Variants in HADHB observed in about 807,000 individuals in gnomAD.
HADHB encodes the protein trifunctional enzyme subunit beta, mitochondrial.
A neutral mutation model predicts 61.9 loss-of-function variants in HADHB; 50 were observed. The ratio of observed to expected loss-of-function variants is 0.81; its 90% CI spans 0.64 to 1.02. The LOEUF is 1.02. Among genes scored for constraint, HADHB ranks in the 50% least tolerant of loss-of-function variants. HADHB has a pLI of 0.00. For synonymous variants in HADHB, 191 were observed against 201.6 expected (o/e 0.95, Z 0.45); for missense variants, 504 against 586.5 (o/e 0.86, Z 1.45).
chr2:26,282,329 A>G (rs925772979), intron 10 of HADHB, among the ~76,000 whole-genome samples: 2 of 142,684 alleles, frequency 1.4e-5, no homozygotes, highest in Non-Finnish European at 3.0e-5. Context: ...ATCTCAGCTC[A>G]CTGCAACCTC....
chr2:26,255,033 G>T (rs1486700778), intron 3 of HADHB: 3 of 156,184 alleles, frequency 1.9e-5, no homozygotes, highest in South Asian at 1.9e-4. Context: ...AATGAATTAG[G>T]CTTCTTTACT....
chr2:26,271,626 T>G (rs1672352279), intron 5 of HADHB, among the ~76,000 whole-genome samples: 2 of 152,184 alleles, frequency 1.3e-5, no homozygotes, highest in Non-Finnish European at 2.9e-5. Context: ...TATGCATATT[T>G]TCCTTTAAAA....
chr2:26,285,065 A>C, intron 14 of HADHB, 108 bp downstream of exon 14: 1 of 728,370 alleles, frequency 1.4e-6, no homozygotes, highest in East Asian at 2.5e-5. Flanking sequence ...TTTCTTTTGA[A>C]GAATTTTGTC....
intron 3 of HADHB, among the ~76,000 whole-genome samples, chr2:26,262,495 G>A (rs1671905904): frequency 6.6e-6 from 1 of 152,068 alleles, no homozygotes; most frequent in Non-Finnish European, 1.5e-5. Context: ...GGGAACTTTA[G>A]TTTTTACTCT....
intron 3 of HADHB, chr2:26,260,955 A>C: frequency 8.3e-7 from 1 of 1,204,800 alleles, no homozygotes. Flanking sequence ...ACTAATTGGC[A>C]TTTCTTTCCA....
intron 1 of HADHB, among the ~76,000 whole-genome samples, chr2:26,250,640 C>T (rs922294206): frequency 6.6e-6 from 1 of 150,758 alleles, no homozygotes; most frequent in Non-Finnish European, 1.5e-5. Flanking sequence ...TTGAGACTAG[C>T]CTGTCTCTAA....
intron 4 of HADHB, among the ~76,000 whole-genome samples, chr2:26,268,937 A>G (rs926575006): frequency 6.6e-6 from 1 of 152,132 alleles, no homozygotes; most frequent in African/African-American, 2.4e-5. Flanking sequence ...ACCTGAGGTC[A>G]GGAGTTCAGG....
intron 1 of HADHB, among the ~76,000 whole-genome samples, chr2:26,251,151 C>A (rs1015828202): frequency 6.6e-6 from 1 of 151,042 alleles, no homozygotes; most frequent in Non-Finnish European, 1.5e-5. Flanking sequence ...TGTGCTAAAG[C>A]TGCTCTGTTT....
chr2:26,271,534 C>G (rs1672348568), intron 5 of HADHB, among the ~76,000 whole-genome samples: 1 of 152,032 alleles, frequency 6.6e-6, no homozygotes. Flanking sequence ...AAACCACACA[C>G]ACACACAACT....
In HADHB at chr2:26,249,030, CT is replaced by C. The variant is rs756586980; in HGVS notation, c.-9+4041del. Reference sequence around the variant, plus strand: ...CGAGATCGCGCCATTGCACTCCAACCTGGGGGACAAGAGTGAGACTTTGTCT... The same window carrying C: ...CGAGATCGCGCCATTGCACTCCAACCGGGGGACAAGAGTGAGACTTTGTCT... On this transcript the variant is annotated intron_variant, in intron 1 of 15. Transcript: ENST00000317799. Among the ~76,000 whole-genome samples, 9 of 151,430 alleles carry C rather than the reference CT, an allele frequency of 5.9e-5. No individual in the cohort carries two copies. The East Asian group carries it at 1.6e-3, about 26-fold the overall frequency.
At chr2:26,248,358 G>C (rs1183847825) in intron 1 of HADHB, among the ~76,000 whole-genome samples, 3 of 151,916 alleles carry the variant, frequency 2.0e-5, no homozygotes, top group Non-Finnish European at 4.4e-5. Context: ...AATATAAACA[G>C]TGCTATAGTG....
intron 4 of HADHB, among the ~76,000 whole-genome samples, chr2:26,266,409 C>G (rs1005312129): frequency 2.0e-5 from 3 of 152,056 alleles, no homozygotes; most frequent in African/African-American, 7.3e-5. Flanking sequence ...TGGAAAAAGT[C>G]TTTTTCTGTT....
intron 1 of HADHB, among the ~76,000 whole-genome samples, chr2:26,252,082 T>G (rs1179595762): frequency 6.6e-6 from 1 of 152,198 alleles, no homozygotes; most frequent in Non-Finnish European, 1.5e-5. Flanking sequence ...CATCAGTTCC[T>G]CACCACAGGA....
intron 4 of HADHB, among the ~76,000 whole-genome samples, chr2:26,266,867 C>A: frequency 4.4e-5 from 1 of 22,920 alleles, no homozygotes; most frequent in South Asian, 1.5e-3. Context: ...GAGACACTCT[C>A]TCTCAAAAAA....
intron 3 of HADHB, among the ~76,000 whole-genome samples, chr2:26,258,014 T>A (rs1203997345): frequency 1.8e-4 from 27 of 150,694 alleles, no homozygotes; most frequent in African/African-American, 5.9e-4. Flanking sequence ...CAAGACTCTG[T>A]CTCAAAAAAA....
At chr2:26,271,039 C>T (rs529970595) in intron 5 of HADHB, among the ~76,000 whole-genome samples, 10 of 150,224 alleles carry the variant, frequency 6.7e-5, no homozygotes, top group East Asian at 4.0e-4. Context: ...CCACCATGCC[C>T]GGCTAATTTT....
At position 26,290,405 on chromosome 2, in the gene HADHB, TA is replaced by T. The variant is rs1186483849; in HGVS notation, c.*458del. On this transcript the variant is annotated 3_prime_UTR_variant, in exon 16 of 16. Coordinates refer to ENST00000317799, the MANE Select transcript of HADHB (RefSeq NM_000183.3). ...GAATCTAAACACCACTGAAAACTTA[TA>T]AAAAATGTTTAGATACATAAATATG... is the stretch of plus-strand genomic sequence containing the variant. The T allele has an allele frequency of 5.4e-6, 1 of 186,098 alleles. No homozygotes were observed. The highest frequency in any genetic ancestry group is 1.1e-5 in the Non-Finnish European group (1 of 87,650). 11.5% of individuals were successfully genotyped at this position (186,098 alleles called of 1,614,324 possible).
At chr2:26,271,724 C>G (rs573031881) in intron 5 of HADHB, among the ~76,000 whole-genome samples, 1 of 152,124 alleles carries the variant, frequency 6.6e-6, no homozygotes, top group South Asian at 2.1e-4. Flanking sequence ...GTAGGAGGAT[C>G]TTTTGAGCCC....
chr2:26,254,821 C>A (rs944621869), intron 3 of HADHB: 3 of 244,838 alleles, frequency 1.2e-5, no homozygotes, highest in Non-Finnish European at 2.4e-5. Flanking sequence ...TGCTATGGAA[C>A]CAAAAGTTAA....
Sources: gnomAD v4.1 joint callset for allele counts (sites outside exome capture counted in the v4.1 genomes callset) on GRCh38, gnomAD v4.1.1 for gene constraint, MANE v1.5 for transcripts, NCBI Gene and HGNC (gene_info 2026-07-23, HGNC 2026-07-21) for gene names.